KCNIP4: variants seen among roughly 807,000 people sequenced by gnomAD.
KCNIP4 encodes potassium voltage-gated channel interacting protein 4.
KCNIP4 carries 12 observed loss-of-function variants against 34.0 expected under a neutral mutation model. The ratio of observed to expected loss-of-function variants is 0.35; its 90% CI spans 0.23 to 0.57. The LOEUF is 0.57. Ranked by LOEUF, KCNIP4 falls within the 20% of genes least tolerant of loss-of-function variation. The pLI is 0.83. For synonymous variants in KCNIP4, 124 were observed against 102.2 expected (o/e 1.21, Z -1.29); for missense variants, 238 against 311.7 (o/e 0.76, Z 1.78).
chr4:21,589,814 G>A (rs1742050039), intron 1 of KCNIP4, among the ~76,000 whole-genome samples: 2 of 151,830 alleles, frequency 1.3e-5, no homozygotes, highest in Admixed American at 6.6e-5. Context: ...TTGCATTGCT[G>A]CCATTAATTG....
chr4:21,794,655 C>T (rs1031397883), intron 1 of KCNIP4, among the ~76,000 whole-genome samples: 31 of 152,098 alleles, frequency 2.0e-4, no homozygotes, highest in African/African-American at 6.7e-4. Context: ...TTTGGGAGGC[C>T]GAGGCAGGCA....
intron 1 of KCNIP4, among the ~76,000 whole-genome samples, chr4:21,079,289 T>C (rs1313472569): frequency 6.6e-6 from 1 of 152,140 alleles, no homozygotes; most frequent in African/African-American, 2.4e-5. Context: ...ATAAATATGA[T>C]GTATGTTTTA....
chr4:21,190,758 T>A (rs760333168), intron 1 of KCNIP4, among the ~76,000 whole-genome samples: 1 of 152,162 alleles, frequency 6.6e-6, no homozygotes, highest in Admixed American at 6.5e-5. Context: ...TAATGGCCAG[T>A]AGCCATAAAA....
At chr4:21,681,696 A>G (rs376341814) in intron 1 of KCNIP4, among the ~76,000 whole-genome samples, 2 of 152,220 alleles carry the variant, frequency 1.3e-5, no homozygotes, top group African/African-American at 4.8e-5. Flanking sequence ...GACTGGATAA[A>G]TTACAAAGAA....
intron 1 of KCNIP4, among the ~76,000 whole-genome samples, chr4:21,409,106 CTT>C (rs1284487723): frequency 6.7e-6 from 1 of 148,518 alleles, no homozygotes; most frequent in Admixed American, 6.7e-5. Context: ...TTGTTTTTTA[CTT>C]TTTTTTTTCT....
intron 2 of KCNIP4, among the ~76,000 whole-genome samples, chr4:20,853,856 AAAG>A (rs1721294438): frequency 6.6e-6 from 1 of 152,222 alleles, no homozygotes; most frequent in African/African-American, 2.4e-5. Context: ...ACAATTCTCA[AAAG>A]AAGATATACA....
intron 3 of KCNIP4, among the ~76,000 whole-genome samples, chr4:20,806,082 G>A (rs1013105275): frequency 1.3e-5 from 2 of 151,766 alleles, no homozygotes; most frequent in South Asian, 4.2e-4. Context: ...CTTTGGGGGG[G>A]CTTTCTTTAA....
chr4:21,806,017 T>C (rs963855721), intron 1 of KCNIP4, among the ~76,000 whole-genome samples: 2 of 152,364 alleles, frequency 1.3e-5, no homozygotes, highest in South Asian at 4.1e-4. Context: ...GACACATCAA[T>C]TGTATCCTGG....
chr4:21,021,957 T>C (rs1215242871), intron 1 of KCNIP4, among the ~76,000 whole-genome samples: 1 of 152,140 alleles, frequency 6.6e-6, no homozygotes, highest in Admixed American at 6.6e-5. Context: ...GCAAATATTA[T>C]GTATTGTGCA....
rs75470398 is a variant in KCNIP4 at position 21,101,179 on chromosome 4, T to A, written c.62-218470A>T. Among the ~76,000 whole-genome samples, 809 of 152,290 alleles carry A rather than the reference T, an allele frequency of 5.3e-3. 5 individuals are homozygous for A. Among genetic ancestry groups the A allele is most frequent in the African/African-American group, 0.017 (713 of 41,558 alleles). On this transcript the variant is annotated intron_variant, in intron 1 of 8. Coordinates refer to ENST00000382152, the MANE Select transcript of KCNIP4 (RefSeq NM_025221.6). ...GCTGTATATGTCCATCTGTACGCAT[T>A]GTTCAGCTCCCACTTATAAGTGAGA...
intron 1 of KCNIP4, among the ~76,000 whole-genome samples, chr4:21,600,537 C>T (rs562691968): frequency 9.2e-4 from 140 of 151,496 alleles, no homozygotes; most frequent in African/African-American, 3.2e-3. Flanking sequence ...AATAGATTAG[C>T]GTAAACTATA....
At chr4:20,766,439 G>A (rs1411381260) in intron 3 of KCNIP4, among the ~76,000 whole-genome samples, 1 of 152,122 alleles carries the variant, frequency 6.6e-6, no homozygotes, top group Non-Finnish European at 1.5e-5. Context: ...GGTGGCACAT[G>A]CCTATAATCT....
chr4:20,983,872 C>G, intron 1 of KCNIP4: 1 of 1,536,310 alleles, frequency 6.5e-7, no homozygotes, highest in Non-Finnish European at 8.7e-7. Flanking sequence ...CACATATAAT[C>G]ACAACAATAC....
At chr4:21,598,168 C>T (rs1742806176) in intron 1 of KCNIP4, among the ~76,000 whole-genome samples, 1 of 151,994 alleles carries the variant, frequency 6.6e-6, no homozygotes, top group Non-Finnish European at 1.5e-5. Flanking sequence ...AACAGTGTTG[C>T]AAGTACTTAC....
At chr4:21,042,605 C>G (rs992252674) in intron 1 of KCNIP4, among the ~76,000 whole-genome samples, 1 of 152,114 alleles carries the variant, frequency 6.6e-6, no homozygotes, top group African/African-American at 2.4e-5. Context: ...GCAATAAGTT[C>G]TGGTCGTCTA....
chr4:21,632,073 C>CT (rs1745802064), intron 1 of KCNIP4, among the ~76,000 whole-genome samples: 2 of 152,108 alleles, frequency 1.3e-5, no homozygotes, highest in Admixed American at 6.5e-5. Flanking sequence ...ACAATTTTAC[C>CT]TTTTTTTCCT....
chr4:21,335,268 G>A (rs1042377727), intron 1 of KCNIP4, among the ~76,000 whole-genome samples: 1 of 143,670 alleles, frequency 7.0e-6, no homozygotes, highest in Non-Finnish European at 1.5e-5. Flanking sequence ...GTGAACCAAC[G>A]GCTGCAACTA....
intron 1 of KCNIP4, among the ~76,000 whole-genome samples, chr4:20,948,295 A>G (rs1732410668): frequency 6.6e-6 from 1 of 152,232 alleles, no homozygotes; most frequent in African/African-American, 2.4e-5. Flanking sequence ...AGCAAAATTT[A>G]ATAAGTATTG....
intron 3 of KCNIP4, among the ~76,000 whole-genome samples, chr4:20,817,436 C>G (rs1716549812): frequency 6.6e-6 from 1 of 152,176 alleles, no homozygotes; most frequent in African/African-American, 2.4e-5. Context: ...TCCTGCTAGG[C>G]ATGGTCATGA....
Sources: allele counts gnomAD v4.1 joint callset (sites outside exome capture counted in the v4.1 genomes callset), GRCh38; gene constraint gnomAD v4.1.1; transcripts MANE v1.5; gene names NCBI Gene and HGNC (gene_info 2026-07-23, HGNC 2026-07-21).